The following AMER1 variants were observed in gnomAD, a reference collection of about 807,000 sequenced individuals.
The protein encoded by AMER1 is APC membrane recruitment protein 1.
A neutral mutation model predicts 53.0 loss-of-function variants in AMER1; 16 were observed. The ratio of observed to expected loss-of-function variants is 0.30; its 90% confidence interval spans 0.20 to 0.46. The LOEUF (loss-of-function observed/expected upper bound fraction) is 0.46, where lower values mean the gene tolerates loss of function less well. Ranked by LOEUF, AMER1 falls within the 20% of genes least tolerant of loss-of-function variation. The pLI is 1.00. For synonymous variants in AMER1, 354 were observed against 331.9 expected (o/e 1.07, Z -0.73); for missense variants, 947 against 884.9 (o/e 1.07, Z -0.89).
Position 64,189,804 on chromosome X carries a change from C to G in AMER1, c.*75G>C. The G allele has an allele frequency of 1.0e-5, 9 of 874,781 alleles. No homozygotes were observed. Among genetic ancestry groups the G allele is most frequent in the Non-Finnish European group, 1.2e-5 (8 of 690,988 alleles). 72.1% of individuals were successfully genotyped at this position (874,781 alleles called of 1,213,427 possible). On this transcript the variant is annotated 3_prime_UTR_variant, in exon 2 of 2. Transcript: ENST00000374869. ...CAAGTTAAACAACAACCCCCACCCC[C>G]CCACCCTTCTGCCCAACCCCTGATC...
chrX:64,189,558 A>ATATATATATATAT lies in AMER1; in HGVS notation c.*320_*321insATATATATATATA, dbSNP rs1930193432. The ATATATATATATAT allele has an allele frequency of 9.9e-6, 3 of 304,543 alleles. No homozygotes were observed. The highest frequency in any genetic ancestry group is 1.2e-5 in the Non-Finnish European group (3 of 241,688). 25.1% of individuals were successfully genotyped at this position (304,543 alleles called of 1,213,427 possible). ...TATATATATATATATATATATATAT[A>ATATATATATATAT]ATCACTAACTTGGCAACTGGAATAG... On this transcript the variant is annotated 3_prime_UTR_variant, in exon 2 of 2. Coordinates refer to ENST00000374869, the MANE Select transcript of AMER1 (RefSeq NM_152424.4).
At chrX:64,193,697 C>T (rs756970434) in intron 1 of AMER1, among the ~76,000 whole-genome samples, 2 of 111,713 alleles carry the variant, frequency 1.8e-5, no homozygotes, top group South Asian at 7.7e-4. Context: ...TGTGAAAGGC[C>T]TAGTGGTGCT....
intron 1 of AMER1, among the ~76,000 whole-genome samples, chrX:64,203,863 C>T (rs1158297536): frequency 9.0e-6 from 1 of 111,391 alleles, no homozygotes; most frequent in African/African-American, 3.3e-5. Context: ...GTGTTGGGGC[C>T]TAATCAAGGT....
Position 64,188,728 on chromosome X carries a change from G to A in AMER1, c.*1151C>T. On this transcript the variant is annotated 3_prime_UTR_variant, in exon 2 of 2. Coordinates refer to ENST00000374869, the MANE Select transcript of AMER1 (RefSeq NM_152424.4). The stretch of plus-strand genomic sequence containing the variant: ...AAGAAACTGAGATACCTTAAGCTCT[G>A]CATGGTCTGAAATCCCCTTTCTTGC... 3.7e-6 allele frequency: 3 copies of A among 800,967 alleles called. No individual in the cohort carries two copies. Among genetic ancestry groups the A allele is most frequent in the Non-Finnish European group, 4.5e-6 (3 of 668,084 alleles). The allele number at this position is 800,967 out of a possible 1,213,427, so 66.0% of individuals were successfully genotyped here.
chrX:64,200,735 T>A (rs1930470813), intron 1 of AMER1, among the ~76,000 whole-genome samples: 1 of 111,624 alleles, frequency 9.0e-6, no homozygotes, highest in African/African-American at 3.3e-5. Flanking sequence ...ACCTAGCTGG[T>A]TCGACCTAGT....
rs980400138 is a variant in AMER1 at position 64,205,644 on chromosome X, C to G, written c.-173G>C. 4.5e-5 allele frequency: 5 copies of G among 112,333 alleles called. No individual in the cohort carries two copies. The highest frequency in any genetic ancestry group is 1.6e-4 in the African/African-American group (5 of 30,808). 9.3% of individuals were successfully genotyped at this position (112,333 alleles called of 1,213,427 possible). A position where few individuals can be genotyped will look rare whatever the true frequency, so the allele number is the denominator to read the frequency against. Reference sequence around the variant, plus strand: ...GGCCGGGCTGCAGCCTCGGCTGCCACGGCTGAGAGCGCCGCCACCGCAGCT... The same window carrying G: ...GGCCGGGCTGCAGCCTCGGCTGCCAGGGCTGAGAGCGCCGCCACCGCAGCT... On this transcript the variant is annotated 5_prime_UTR_variant, in exon 1 of 2. Transcript: ENST00000374869.
At position 64,191,061 on chromosome X, in the gene AMER1, C is replaced by T. The variant is rs2147086539; in HGVS notation, c.2226G>A (p.Arg742=). ...GGGGTGAATAAGTAGGGTAGGCCCT[C>T]CTGGGAGATCCTCCAAAATTTGCTT... ...MQEANFGGSP[R]RAYPTYSPPE... Residue 742 remains arginine, a synonymous_variant, in exon 2 of 2, where the codon AGG becomes AGA. Coordinates refer to ENST00000374869, the MANE Select transcript of AMER1 (RefSeq NM_152424.4). 1.7e-6 allele frequency: 2 copies of T among 1,211,955 alleles called. No homozygotes were observed. Among genetic ancestry groups the T allele is most frequent in the Non-Finnish European group, 2.2e-6 (2 of 895,578 alleles).
At chrX:64,202,891 T>A in intron 1 of AMER1, among the ~76,000 whole-genome samples, 1 of 111,944 alleles carries the variant, frequency 8.9e-6, no homozygotes, top group Non-Finnish European at 1.9e-5. Context: ...CAGATTTCCA[T>A]TCCACAGCCT....
chrX:64,189,480 A>C lies in AMER1; in HGVS notation c.*399T>G, dbSNP rs769633987. On this transcript the variant is annotated 3_prime_UTR_variant, in exon 2 of 2. Coordinates refer to ENST00000374869, the MANE Select transcript of AMER1 (RefSeq NM_152424.4). ...CATGTGTGTTTGTGTGTGTGTGTGT[A>C]TGTATGTGTGTGTGTGTGTGTGTGT... is the stretch of plus-strand genomic sequence containing the variant. 1.9e-6 allele frequency: 1 copy of C among 516,916 alleles called. No homozygotes were observed. Among genetic ancestry groups the C allele is most frequent in the Non-Finnish European group, 2.2e-6 (1 of 457,314 alleles). 42.6% of individuals were successfully genotyped at this position (516,916 alleles called of 1,213,427 possible). A position where few individuals can be genotyped will look rare whatever the true frequency, so the allele number is the denominator to read the frequency against.
rs144896730 is a variant in AMER1 at position 64,191,491 on chromosome X, T to C, written c.1796A>G (p.Tyr599Cys). Residue 599 changes from tyrosine (Y) to cysteine (C), a missense_variant, in exon 2 of 2, where the codon TAT becomes TGT. By Grantham distance (194) the Tyr-to-Cys change is radical. Transcript: ENST00000374869. The stretch of plus-strand genomic sequence containing the variant: ...TTCCCTGCCATAAGCCTCTCGAGTA[T>C]AGGCCTCCCTGGCGTGGGCCTCCCT... ...HAREAHAREAYTREAYGREAY... is the reference protein window; with the variant it reads ...HAREAHAREACTREAYGREAY... 6.4e-4 allele frequency: 779 copies of C among 1,210,670 alleles called. No individual in the cohort carries two copies. Among genetic ancestry groups the C allele is most frequent in the Non-Finnish European group, 8.5e-4 (759 of 895,290 alleles).
In AMER1 at chrX:64,205,647, C is replaced by CT. The variant is rs1406330234; in HGVS notation, c.-177dup. On this transcript the variant is annotated 5_prime_UTR_variant, in exon 1 of 2. Transcript: ENST00000374869. ...CGGGCTGCAGCCTCGGCTGCCACGG[C>CT]TGAGAGCGCCGCCACCGCAGCTGCT... 1 of 112,441 alleles carries CT rather than the reference C, an allele frequency of 8.9e-6. No homozygotes were observed. The highest frequency in any genetic ancestry group is 1.9e-5 in the Non-Finnish European group (1 of 53,416). 9.3% of individuals were successfully genotyped at this position (112,441 alleles called of 1,213,427 possible).
Position 64,191,695 on chromosome X carries a change from C to T in AMER1, c.1592G>A (p.Arg531Gln), listed in dbSNP as rs904761868. 9.1e-6 allele frequency: 11 copies of T among 1,210,371 alleles called. No homozygotes were observed. Among genetic ancestry groups the T allele is most frequent in the Middle Eastern group, 2.3e-4 (1 of 4,376 alleles). Residue 531 changes from arginine to glutamine, a missense_variant, in exon 2 of 2, where the codon CGA becomes CAA. Arg to Gln is a conservative substitution (Grantham distance 43). Transcript: ENST00000374869. ...GAAGGGGTCAAACATCTCAGAGCTT[C>T]GACCATGGAGGTCATAAAGGCAGTC... The part of the protein sequence containing the change: ...GDDCLYDLHG[R>Q]SSEMFDPFLN...
chrX:64,193,278 G>C lies in AMER1; in HGVS notation c.9C>G (p.Thr3=), dbSNP rs368696959. The C allele has an allele frequency of 9.1e-6, 11 of 1,209,582 alleles. No individual in the cohort carries two copies. The African/African-American group carries it at 1.4e-4, about 15-fold the overall frequency. Residue 3 remains threonine (T), a synonymous_variant, in exon 2 of 2, where the codon ACC becomes ACG. Coordinates refer to ENST00000374869, the MANE Select transcript of AMER1 (RefSeq NM_152424.4). ME[T]QKDEAAQAKG... Reference sequence around the variant, plus strand: ...TGGCCTGAGCAGCTTCATCCTTTTGGGTCTCCATGATGATGGGGACAACTG... The same window carrying C: ...TGGCCTGAGCAGCTTCATCCTTTTGCGTCTCCATGATGATGGGGACAACTG...
chrX:64,202,034 T>C (rs1930497712), intron 1 of AMER1, among the ~76,000 whole-genome samples: 1 of 111,902 alleles, frequency 8.9e-6, no homozygotes, highest in South Asian at 3.8e-4. Flanking sequence ...GATGAGGTTT[T>C]GCCATGTTGC....
chrX:64,186,676 G>T lies in AMER1; in HGVS notation c.*3203C>A, dbSNP rs916409803. On this transcript the variant is annotated 3_prime_UTR_variant, in exon 2 of 2. Transcript: ENST00000374869. ...TAGGACTAAGGAGGGAGAGAGACTGGTGTTTACTGAACCCATTATCCGGGC... is the reference window on the plus strand; with the variant it reads ...TAGGACTAAGGAGGGAGAGAGACTGTTGTTTACTGAACCCATTATCCGGGC... The T allele has an allele frequency of 2.2e-5, 17 of 774,814 alleles. No homozygotes were observed. The highest frequency in any genetic ancestry group is 2.5e-5 in the Non-Finnish European group (16 of 651,219). The allele number at this position is 774,814 out of a possible 1,213,427, so 63.9% of individuals were successfully genotyped here.
Position 64,192,296 on chromosome X carries a change from T to A in AMER1, c.991A>T (p.Ile331Leu), listed in dbSNP as rs2147089284. ...CTGTCCATGTCCTGTTCTGCTATTA[T>A]GTCACCACAACCTGTCAATGAATCA... ...SFDSLTGCGDIIAEQDMDSMT... is the reference protein window; with the variant it reads ...SFDSLTGCGDLIAEQDMDSMT... The change falls in exon 2 of 2, where the codon ATA (isoleucine) becomes TTA (leucine). Residue 331 changes from isoleucine to leucine, a missense_variant. Physicochemically the swap from Ile to Leu is conservative, Grantham distance 5 (BLOSUM62 2). Transcript: ENST00000374869. 9.1e-6 allele frequency: 11 copies of A among 1,212,440 alleles called. No individual in the cohort carries two copies. Among genetic ancestry groups the A allele is most frequent in the Non-Finnish European group, 1.2e-5 (11 of 895,679 alleles).
intron 1 of AMER1, among the ~76,000 whole-genome samples, chrX:64,196,627 A>G (rs1309016305): frequency 9.0e-6 from 1 of 111,643 alleles, no homozygotes; most frequent in East Asian, 2.9e-4. Flanking sequence ...ATATCTATAC[A>G]AACTCCTCTG....
rs1225222010 is a variant in AMER1 at position 64,205,322 on chromosome X, C to T, written c.-99+248G>A. On this transcript the variant is annotated intron_variant, in intron 1 of 1. Coordinates refer to ENST00000374869, the MANE Select transcript of AMER1 (RefSeq NM_152424.4). Reference sequence around the variant, plus strand: ...AGCCGGGAGGCTTGGCCCAGGCTAGCCTGCCTTCCTACCCGCCCTCCCCAA... The same window carrying T: ...AGCCGGGAGGCTTGGCCCAGGCTAGTCTGCCTTCCTACCCGCCCTCCCCAA... Among the ~76,000 whole-genome samples, 4 of 103,354 alleles carry T rather than the reference C, an allele frequency of 3.9e-5. No individual in the cohort carries two copies. The Admixed American group carries it at 4.1e-4, about 11-fold the overall frequency. 89.8% of individuals were successfully genotyped at this position (103,354 alleles called of 115,157 possible).
rs1930090592 is a variant in AMER1 at position 64,185,684 on chromosome X, TG to T, written c.*4194del. On this transcript the variant is annotated 3_prime_UTR_variant, in exon 2 of 2. Coordinates refer to ENST00000374869, the MANE Select transcript of AMER1 (RefSeq NM_152424.4). ...CTGGAGCAGGGCAGGGGAGGGGGAATGGTGGTAGGGGAGGAGATTCCCCCAA... is the reference window on the plus strand; with the variant it reads ...CTGGAGCAGGGCAGGGGAGGGGGAATGTGGTAGGGGAGGAGATTCCCCCAA... The T allele has an allele frequency of 5.7e-6, 1 of 174,750 alleles. No homozygotes were observed. The allele number at this position is 174,750 out of a possible 1,213,427, so 14.4% of individuals were successfully genotyped here. A position where few individuals can be genotyped will look rare whatever the true frequency, so the allele number is the denominator to read the frequency against.
Sources: gnomAD v4.1 joint callset for allele counts (sites outside exome capture counted in the v4.1 genomes callset) on GRCh38, gnomAD v4.1.1 for gene constraint, MANE v1.5 for transcripts, NCBI Gene and HGNC (gene_info 2026-07-23, HGNC 2026-07-21) for gene names.